The following DCLK1 variants were observed in gnomAD, a reference collection of about 807,000 sequenced individuals.
The protein encoded by DCLK1 is serine/threonine-protein kinase DCLK1.
Under a neutral mutation model 86.2 loss-of-function variants are expected in DCLK1, and 16 were observed. The observed-to-expected ratio is 0.19, with a 90% CI of 0.13 to 0.28. The LOEUF (loss-of-function observed/expected upper bound fraction) is 0.28. Among genes scored for constraint, DCLK1 ranks in the 10% least tolerant of loss-of-function variants. The probability of loss-of-function intolerance (pLI) is 1.00; values close to 1 mark genes in which losing one functional copy is unlikely to be tolerated. For missense variants in DCLK1, 590 were observed against 940.2 expected, an observed-to-expected ratio of 0.63 and a Z score of 4.87; for synonymous variants, 369 against 370.5, an observed-to-expected ratio of 1.00 and a Z score of 0.05.
intron 4 of DCLK1, among the ~76,000 whole-genome samples, chr13:35,875,248 T>G (rs1389762851): frequency 1.3e-5 from 2 of 152,208 alleles, no homozygotes; most frequent in African/African-American, 2.4e-5. Context: ...TTATGAACAT[T>G]CAGAGGTCAC....
At chr13:35,865,577 A>G (rs1174818858) in intron 5 of DCLK1, among the ~76,000 whole-genome samples, 1 of 152,190 alleles carries the variant, frequency 6.6e-6, no homozygotes, top group Non-Finnish European at 1.5e-5. Context: ...AGGTATGTGA[A>G]TCATGTTATC....
At position 35,769,525 on chromosome 13, in the gene DCLK1, T is replaced by C. The variant is rs554151882; in HGVS notation, c.*5010A>G. 1.3e-5 allele frequency: 2 copies of C among 152,168 alleles called. No individual in the cohort carries two copies. The highest frequency in any genetic ancestry group is 4.1e-4 in the South Asian group (2 of 4,834). 9.4% of individuals were successfully genotyped at this position (152,168 alleles called of 1,614,324 possible). ...TTGGACCAGTTTCAATTTCTTTTTATTTTTTCTGAGAATACACCAAAGATT... is the reference window on the plus strand; with the variant it reads ...TTGGACCAGTTTCAATTTCTTTTTACTTTTTCTGAGAATACACCAAAGATT... On this transcript the variant is annotated 3_prime_UTR_variant, in exon 17 of 17. Coordinates refer to ENST00000360631, the MANE Select transcript of DCLK1 (RefSeq NM_001330071.2).
At chr13:36,129,053 G>T (rs1375202360) in intron 1 of DCLK1, among the ~76,000 whole-genome samples, 1 of 152,190 alleles carries the variant, frequency 6.6e-6, no homozygotes. Context: ...TGAAGTTTGT[G>T]TTTTATTCTT....
intron 5 of DCLK1, among the ~76,000 whole-genome samples, chr13:35,864,959 T>G (rs1156393976): frequency 1.3e-5 from 2 of 152,090 alleles, no homozygotes; most frequent in African/African-American, 4.8e-5. Flanking sequence ...GCCCCAGAGC[T>G]TTCCCAAATC....
In DCLK1 at chr13:35,822,487, G is replaced by T. The variant is rs12586028; in HGVS notation, c.1554+242C>A. ...GGTGTTCAATACAGCCCTACCCTTCGCGAGTTCAATTCCCATTCTTGTGCC... is the reference window on the plus strand; with the variant it reads ...GGTGTTCAATACAGCCCTACCCTTCTCGAGTTCAATTCCCATTCTTGTGCC... On this transcript the variant is annotated intron_variant, in intron 11 of 16. Transcript: ENST00000360631. Among the ~76,000 whole-genome samples, 244 of 152,056 alleles carry T rather than the reference G, an allele frequency of 1.6e-3. 4 individuals carry two copies. In the East Asian group the frequency reaches 0.038, roughly 24 times the overall value.
rs561143466 is a variant in DCLK1, at chr13:35,896,825, T to C, written c.824-25485A>G. 3.9e-5 allele frequency among the ~76,000 whole-genome samples: 6 copies of C among 152,090 alleles called. No homozygotes were observed. The South Asian group carries it at 1.2e-3, about 32-fold the overall frequency. ...ACATAAGGTGCTAAGTATGCTGGGG[T>C]AGAAGACAGAGGTGTGTGGAGGGGG... On this transcript the variant is annotated intron_variant, in intron 4 of 16. Transcript: ENST00000360631.
intron 16 of DCLK1, among the ~76,000 whole-genome samples, chr13:35,789,899 A>T (rs1036063457): frequency 6.6e-6 from 1 of 151,334 alleles, no homozygotes; most frequent in African/African-American, 2.4e-5. Flanking sequence ...TTTTTTTTCA[A>T]ATCCCCCAAC....
chr13:35,788,994 T>A (rs145925002), intron 16 of DCLK1, among the ~76,000 whole-genome samples: 1 of 152,248 alleles, frequency 6.6e-6, no homozygotes, highest in African/African-American at 2.4e-5. Context: ...ATATGAACAG[T>A]TAAGTGCTTT....
At chr13:36,065,523 C>T (rs1883715989) in intron 3 of DCLK1, among the ~76,000 whole-genome samples, 1 of 152,158 alleles carries the variant, frequency 6.6e-6, no homozygotes, top group South Asian at 2.1e-4. Flanking sequence ...TCACAATCTC[C>T]AGCATCCCAC....
intron 3 of DCLK1, among the ~76,000 whole-genome samples, chr13:36,012,357 G>A (rs1401232527): frequency 3.9e-5 from 6 of 151,966 alleles, no homozygotes; most frequent in African/African-American, 7.3e-5. Flanking sequence ...ATTTTGCCAC[G>A]GCTGTTACCG....
At chr13:35,810,097 A>G (rs1418412442) in intron 12 of DCLK1, among the ~76,000 whole-genome samples, 44 of 152,280 alleles carry the variant, frequency 2.9e-4, no homozygotes, top group Non-Finnish European at 1.2e-4. Context: ...GCTTCTTACC[A>G]AAGGAGTCTT....
intron 3 of DCLK1, among the ~76,000 whole-genome samples, chr13:36,082,394 T>C (rs894540656): frequency 3.9e-5 from 6 of 152,244 alleles, no homozygotes; most frequent in African/African-American, 1.2e-4. Flanking sequence ...TGACTGCTTA[T>C]GTTATCGGTA....
chr13:35,893,199 G>T (rs563672689), intron 4 of DCLK1, among the ~76,000 whole-genome samples: 84 of 152,318 alleles, frequency 5.5e-4, no homozygotes, highest in Non-Finnish European at 1.0e-3. Context: ...GGGGCAAGGA[G>T]TCCAGCAGAG....
chr13:36,011,613 C>T (rs1881274163), intron 3 of DCLK1, among the ~76,000 whole-genome samples: 1 of 151,662 alleles, frequency 6.6e-6, no homozygotes, highest in South Asian at 2.1e-4. Flanking sequence ...AATTTCTGTT[C>T]TTTTACATTT....
intron 3 of DCLK1, among the ~76,000 whole-genome samples, chr13:36,013,830 T>C (rs371698102): frequency 1.2e-4 from 19 of 152,156 alleles, no homozygotes; most frequent in African/African-American, 4.3e-4. Flanking sequence ...CCCCAGCCTC[T>C]CTGCCGCCTT....
chr13:36,007,084 C>A (rs1267110609), intron 3 of DCLK1, among the ~76,000 whole-genome samples: 1 of 151,986 alleles, frequency 6.6e-6, no homozygotes, highest in Non-Finnish European at 1.5e-5. Context: ...GAGAGTGTGC[C>A]CAGAGGCCAG....
chr13:35,905,193 G>C (rs945265304), intron 4 of DCLK1, among the ~76,000 whole-genome samples: 2 of 152,166 alleles, frequency 1.3e-5, no homozygotes, highest in African/African-American at 2.4e-5. Context: ...CTTGTGGTTA[G>C]TCAAAGACCC....
intron 3 of DCLK1, among the ~76,000 whole-genome samples, chr13:36,000,195 C>T (rs1208715887): frequency 6.6e-6 from 1 of 152,174 alleles, no homozygotes; most frequent in Non-Finnish European, 1.5e-5. Flanking sequence ...TTATTAATGG[C>T]CGTTCCCCTC....
intron 3 of DCLK1, among the ~76,000 whole-genome samples, chr13:36,013,583 G>T (rs879496909): frequency 1.3e-5 from 2 of 152,142 alleles, no homozygotes; most frequent in Admixed American, 1.3e-4. Context: ...CAGTCTGCCC[G>T]TTCTCAGATC....
Sources: gnomAD v4.1 joint callset for allele counts (sites outside exome capture counted in the v4.1 genomes callset) on GRCh38, gnomAD v4.1.1 for gene constraint, MANE v1.5 for transcripts, NCBI Gene and HGNC (gene_info 2026-07-23, HGNC 2026-07-21) for gene names.